SV2C: variants seen among roughly 807,000 people sequenced by gnomAD.
The protein encoded by SV2C is solute carrier family 22 member B3.
A neutral mutation model predicts 79.7 loss-of-function variants in SV2C; 49 were observed. The ratio of observed to expected loss-of-function variants is 0.61; its 90% CI spans 0.49 to 0.78. The LOEUF is 0.78. SV2C is among the 30% of genes least tolerant of loss of function. The pLI is 0.00. For missense variants in SV2C, 833 were observed against 912.9 expected, an observed-to-expected ratio of 0.91 and a Z score of 1.13; for synonymous variants, 334 against 333.2, an observed-to-expected ratio of 1.00 and a Z score of -0.03.
intron 4 of SV2C, among the ~76,000 whole-genome samples, chr5:76,277,178 C>A (rs1747047972): frequency 6.6e-6 from 1 of 152,192 alleles, no homozygotes; most frequent in Non-Finnish European, 1.5e-5. Flanking sequence ...AACCAGTGTG[C>A]AAAATGGTTT....
At chr5:75,911,121 A>T in the SV2C span, 4 of 1,536,772 alleles carry the variant, frequency 2.6e-6, no homozygotes, top group Non-Finnish European at 3.6e-6. Context: ...AGGAGCACTT[A>T]GAAGATGAGG....
chr5:76,256,721 A>G (rs1049156670), intron 4 of SV2C, among the ~76,000 whole-genome samples: 4 of 152,218 alleles, frequency 2.6e-5, no homozygotes, highest in African/African-American at 7.2e-5. Flanking sequence ...TCCCAGCAAG[A>G]ATCCTGCCTG....
intron 1 of SV2C, among the ~76,000 whole-genome samples, chr5:76,096,760 G>A (rs1222352727): frequency 6.6e-6 from 1 of 152,124 alleles, no homozygotes; most frequent in African/African-American, 2.4e-5. Context: ...ACTGAGCAAA[G>A]CAGATTCCTA....
chr5:75,857,824 T>C, the SV2C span, among the ~76,000 whole-genome samples: 1 of 152,206 alleles, frequency 6.6e-6, no homozygotes. Flanking sequence ...CTTTCACTTA[T>C]TTGCCTTAGT....
downstream of SV2C, among the ~76,000 whole-genome samples, chr5:76,335,414 C>CTTTTTTTTTTTTTTTT (rs869230352): frequency 1.5e-4 from 15 of 98,114 alleles, no homozygotes; most frequent in African/African-American, 6.2e-4. Flanking sequence ...ACACATTTTC[C>CTTTTTTTTTTTTTTTT]TTTTTTTTTT....
chr5:75,982,699 A>G, the SV2C span, among the ~76,000 whole-genome samples: 3 of 152,346 alleles, frequency 2.0e-5, no homozygotes, highest in Middle Eastern at 6.8e-3. Flanking sequence ...AATAGCAAAG[A>G]CATGGAATCA....
intron 12 of SV2C, among the ~76,000 whole-genome samples, chr5:76,314,472 G>A (rs1468961355): frequency 1.3e-5 from 2 of 152,010 alleles, no homozygotes; most frequent in African/African-American, 4.8e-5. Context: ...CTGATCTAGG[G>A]GTCACTGAAT....
At chr5:75,860,054 TG>T in the SV2C span, among the ~76,000 whole-genome samples, 7 of 152,130 alleles carry the variant, frequency 4.6e-5, no homozygotes, top group African/African-American at 1.7e-4. Flanking sequence ...CTAACTCCTT[TG>T]TCTCTGCTGG....
At chr5:75,849,593 G>C in the SV2C span, among the ~76,000 whole-genome samples, 1 of 152,112 alleles carries the variant, frequency 6.6e-6, no homozygotes, top group Non-Finnish European at 1.5e-5. Flanking sequence ...TGAGCTTTTT[G>C]ATCAATCTTT....
the SV2C span, among the ~76,000 whole-genome samples, chr5:76,061,917 C>T: frequency 6.6e-6 from 1 of 151,276 alleles, no homozygotes; most frequent in Admixed American, 6.6e-5. Flanking sequence ...AGCAAAGATA[C>T]AATATTTTCT....
At chr5:75,957,750 A>G in the SV2C span, among the ~76,000 whole-genome samples, 2 of 152,040 alleles carry the variant, frequency 1.3e-5, no homozygotes, top group African/African-American at 2.4e-5. Flanking sequence ...CATCCTACAA[A>G]TATTTTAAAA....
chr5:76,204,898 A>T (rs540219755), intron 3 of SV2C, among the ~76,000 whole-genome samples: 1 of 152,160 alleles, frequency 6.6e-6, no homozygotes, highest in African/African-American at 2.4e-5. Context: ...CAGTTTCCCA[A>T]TGAGGTTTGT....
intron 4 of SV2C, among the ~76,000 whole-genome samples, chr5:76,276,122 T>A (rs545751129): frequency 2.6e-5 from 4 of 152,354 alleles, no homozygotes; most frequent in Non-Finnish European, 5.9e-5. Flanking sequence ...GTGTAGGCTT[T>A]GTGTAGCTCT....
At chr5:75,853,044 T>C in the SV2C span, among the ~76,000 whole-genome samples, 1 of 151,836 alleles carries the variant, frequency 6.6e-6, no homozygotes, top group Non-Finnish European at 1.5e-5. Flanking sequence ...AATAAATATA[T>C]CAAAAAGAGA....
the SV2C span, among the ~76,000 whole-genome samples, chr5:75,855,500 C>A: frequency 6.6e-6 from 1 of 151,974 alleles, no homozygotes; most frequent in African/African-American, 2.4e-5. Flanking sequence ...TTGTGGCAAC[C>A]CTGCATTAAA....
At chr5:75,998,568 C>G in the SV2C span, among the ~76,000 whole-genome samples, 13 of 152,002 alleles carry the variant, frequency 8.6e-5, no homozygotes, top group Non-Finnish European at 1.6e-4. Context: ...ATGGAATGCT[C>G]TGTAGCACAA....
chr5:76,070,169 C>T, the SV2C span, among the ~76,000 whole-genome samples: 1 of 152,136 alleles, frequency 6.6e-6, no homozygotes, highest in Admixed American at 6.5e-5. Flanking sequence ...GGAGACAGTT[C>T]CTGGGGGATT....
chr5:76,030,813 C>A, the SV2C span, among the ~76,000 whole-genome samples: 1 of 151,996 alleles, frequency 6.6e-6, no homozygotes, highest in Admixed American at 6.6e-5. Context: ...GTTTGTGCCT[C>A]CCTCTGGAGT....
intron 12 of SV2C, among the ~76,000 whole-genome samples, chr5:76,319,284 C>T (rs1363963387): frequency 6.6e-6 from 1 of 151,532 alleles, no homozygotes; most frequent in African/African-American, 2.4e-5. Context: ...CCGTGTGCGG[C>T]AGTGCAAGCT....
Sources: gnomAD v4.1 joint callset for allele counts (sites outside exome capture counted in the v4.1 genomes callset) on GRCh38, gnomAD v4.1.1 for gene constraint, MANE v1.5 for transcripts, NCBI Gene and HGNC (gene_info 2026-07-23, HGNC 2026-07-21) for gene names.